Variants in CACNA2D3 observed in about 807,000 individuals in gnomAD.
CACNA2D3 encodes the protein voltage-dependent calcium channel subunit alpha-2/delta-3.
In CACNA2D3, 60 loss-of-function variants were observed where a neutral mutation model predicts 160.6. The ratio of observed to expected loss-of-function variants is 0.37; its 90% confidence interval spans 0.30 to 0.46. The LOEUF is 0.46. CACNA2D3 is among the 20% of genes least tolerant of loss of function. The pLI is 1.00. For synonymous variants in CACNA2D3, 558 were observed against 492.9 expected (o/e 1.13, Z -1.75); for missense variants, 1,205 against 1,365.0 (o/e 0.88, Z 1.85).
At chr3:54,917,925 A>G (rs929430525) in intron 27 of CACNA2D3, among the ~76,000 whole-genome samples, 4 of 151,148 alleles carry the variant, frequency 2.6e-5, no homozygotes, top group South Asian at 4.2e-4. Flanking sequence ...CCCAACCAAC[A>G]GCTTCCACTA....
intron 13 of CACNA2D3, among the ~76,000 whole-genome samples, chr3:54,807,590 C>T (rs1304882560): frequency 6.6e-6 from 1 of 151,836 alleles, no homozygotes; most frequent in Non-Finnish European, 1.5e-5. Context: ...AATAGGAACA[C>T]TTTGACACTG....
intron 4 of CACNA2D3, among the ~76,000 whole-genome samples, chr3:54,438,586 A>T (rs1321528788): frequency 6.6e-6 from 1 of 152,224 alleles, no homozygotes; most frequent in African/African-American, 2.4e-5. Context: ...TTGAATTATT[A>T]TTAAAAGCAT....
chr3:54,261,655 G>T (rs1049794581), intron 2 of CACNA2D3, among the ~76,000 whole-genome samples: 8 of 152,202 alleles, frequency 5.3e-5, no homozygotes, highest in African/African-American at 1.9e-4. Flanking sequence ...CCTTTGCAGG[G>T]ATAGAAGGAG....
chr3:54,498,217 T>G (rs2106935212), intron 4 of CACNA2D3, among the ~76,000 whole-genome samples: 1 of 151,964 alleles, frequency 6.6e-6, no homozygotes, highest in African/African-American at 2.4e-5. Flanking sequence ...CCTAGAGTTG[T>G]TTGTTTGTTT....
chr3:55,028,269 G>A (rs1317342364), intron 35 of CACNA2D3, among the ~76,000 whole-genome samples: 1 of 152,186 alleles, frequency 6.6e-6, no homozygotes, highest in African/African-American at 2.4e-5. Context: ...GGGACAGTAT[G>A]TAGTGTTTTT....
intron 13 of CACNA2D3, among the ~76,000 whole-genome samples, chr3:54,783,049 G>A (rs1015575203): frequency 3.2e-4 from 49 of 152,234 alleles, no homozygotes; most frequent in African/African-American, 9.1e-4. Context: ...TTTTGCCTAA[G>A]GAAATGGGAT....
intron 2 of CACNA2D3, among the ~76,000 whole-genome samples, chr3:54,160,350 T>G (rs763353128): frequency 3.3e-5 from 5 of 151,992 alleles, no homozygotes; most frequent in Non-Finnish European, 7.4e-5. Flanking sequence ...AATACAAAAA[T>G]TTAGCTGGGT....
At chr3:54,789,315 C>T (rs1575476294) in intron 13 of CACNA2D3, among the ~76,000 whole-genome samples, 1 of 152,178 alleles carries the variant, frequency 6.6e-6, no homozygotes, top group East Asian at 1.9e-4. Flanking sequence ...TGCAAATGTT[C>T]AAAAATAAAA....
chr3:54,695,524 C>T (rs1700649217), intron 11 of CACNA2D3, among the ~76,000 whole-genome samples: 1 of 152,040 alleles, frequency 6.6e-6, no homozygotes, highest in Non-Finnish European at 1.5e-5. Context: ...AAATGGCCCT[C>T]AAGGAGAGTT....
intron 11 of CACNA2D3, among the ~76,000 whole-genome samples, chr3:54,746,219 AC>A (rs1701751061): frequency 6.6e-6 from 1 of 152,148 alleles, no homozygotes; most frequent in South Asian, 2.1e-4. Flanking sequence ...TCAGGTTCCA[AC>A]CCTTATCTTC....
In CACNA2D3 at chr3:54,494,384, C is replaced by T. The variant is rs370195292; in HGVS notation, c.382-9108C>T. ...ACAATCGTCCCTGGTAAATGATGAG[C>T]GCCATTGAGCAAAATCATGCTTAGG... On this transcript the variant is annotated intron_variant, in intron 4 of 37. Transcript: ENST00000474759. Among the ~76,000 whole-genome samples the T allele has an allele frequency of 1.5e-4, 23 of 152,240 alleles. 1 individual carries two copies. The highest frequency in any genetic ancestry group is 1.0e-3 in the South Asian group (5 of 4,812).
At chr3:54,332,959 A>G (rs1045032962) in intron 3 of CACNA2D3, among the ~76,000 whole-genome samples, 4 of 152,114 alleles carry the variant, frequency 2.6e-5, no homozygotes, top group African/African-American at 9.7e-5. Context: ...TGGCCGTGCC[A>G]CCCAGGGAAC....
chr3:54,867,528 T>TAAAAAAA (rs10663088), intron 17 of CACNA2D3, among the ~76,000 whole-genome samples: 7 of 137,932 alleles, frequency 5.1e-5, no homozygotes, highest in South Asian at 2.4e-4. Flanking sequence ...AAGCCAGCTT[T>TAAAAAAA]AAAAAAAAAA....
chr3:55,004,949 G>C, intron 32 of CACNA2D3, 111 bp downstream of exon 32: 1 of 684,290 alleles, frequency 1.5e-6, no homozygotes, highest in Non-Finnish European at 2.4e-6. Context: ...GCAAAATCAT[G>C]AACATTTTGA....
In CACNA2D3 at chr3:54,799,422, G is replaced by A. The variant is rs1473652835; in HGVS notation, c.1381-17431G>A. On this transcript the variant is annotated intron_variant, in intron 13 of 37. Coordinates refer to ENST00000474759, the MANE Select transcript of CACNA2D3 (RefSeq NM_018398.3). ...CTGAAGATTTTGTTCACTTTCCAAT[G>A]AACAAAGTGTATGTGTTGGGGGAAG... Among the ~76,000 whole-genome samples the A allele has an allele frequency of 3.9e-5, 6 of 152,098 alleles. No individual in the cohort carries two copies. In the East Asian group the frequency reaches 1.2e-3, roughly 29 times the overall value.
intron 11 of CACNA2D3, among the ~76,000 whole-genome samples, chr3:54,737,669 C>G (rs1701561120): frequency 6.6e-6 from 1 of 152,088 alleles, no homozygotes. Context: ...GCGGGGATCT[C>G]TATCCTCTTT....
chr3:54,380,858 T>C (rs1444946361), intron 3 of CACNA2D3, among the ~76,000 whole-genome samples: 1 of 152,232 alleles, frequency 6.6e-6, no homozygotes, highest in Non-Finnish European at 1.5e-5. Context: ...TTTCTACACA[T>C]TGAACTCTTG....
intron 31 of CACNA2D3, among the ~76,000 whole-genome samples, chr3:54,994,952 A>G (rs2107121374): frequency 1.3e-5 from 2 of 152,226 alleles, no homozygotes; most frequent in Middle Eastern, 6.8e-3. Context: ...AGATAGAGAA[A>G]GAAAGTCTTT....
At chr3:54,596,141 A>C (rs1008582008) in intron 9 of CACNA2D3, among the ~76,000 whole-genome samples, 34 of 151,986 alleles carry the variant, frequency 2.2e-4, no homozygotes, top group African/African-American at 7.3e-4. Context: ...CTACACCTAC[A>C]AGCCATTTTA....
Sources: gnomAD v4.1 joint callset for allele counts (sites outside exome capture counted in the v4.1 genomes callset) on GRCh38, gnomAD v4.1.1 for gene constraint, MANE v1.5 for transcripts, NCBI Gene and HGNC (gene_info 2026-07-23, HGNC 2026-07-21) for gene names.